Variants in KIF6 observed in about 807,000 individuals in gnomAD.
KIF6 encodes kinesin-like protein KIF6.
In KIF6, 106 loss-of-function variants were observed where a neutral mutation model predicts 112.7. The observed-to-expected ratio is 0.94, with a 90% CI of 0.80 to 1.11. KIF6 has a LOEUF of 1.11. Among genes scored for constraint, KIF6 ranks in the 50% least tolerant of loss-of-function variants. The pLI is 0.00. For synonymous variants in KIF6, 339 were observed against 339.9 expected (o/e 1.00, Z 0.03); for missense variants, 929 against 964.0 (o/e 0.96, Z 0.48).
intron 13 of KIF6, among the ~76,000 whole-genome samples, chr6:39,529,944 T>C (rs891726519): frequency 6.6e-6 from 1 of 152,256 alleles, no homozygotes; most frequent in Non-Finnish European, 1.5e-5. Context: ...TCTGTAATGC[T>C]TTTCTCAACC....
intron 3 of KIF6, among the ~76,000 whole-genome samples, chr6:39,666,963 A>G (rs1322870210): frequency 5.3e-5 from 8 of 152,154 alleles, no homozygotes; most frequent in African/African-American, 1.9e-4. Flanking sequence ...TTAAACTTTT[A>G]TCTTTCATTT....
chr6:39,369,204 T>C (rs527809791), intron 16 of KIF6, among the ~76,000 whole-genome samples: 5 of 152,296 alleles, frequency 3.3e-5, no homozygotes, highest in African/African-American at 1.2e-4. Context: ...ATGGCTCAAA[T>C]TTACTGTCAG....
At chr6:39,667,660 A>G (rs988444440) in intron 3 of KIF6, among the ~76,000 whole-genome samples, 1 of 152,196 alleles carries the variant, frequency 6.6e-6, no homozygotes, top group African/African-American at 2.4e-5. Context: ...TAATTTCCAA[A>G]TAAAGACAAT....
chr6:39,713,040 G>C (rs890104588), intron 3 of KIF6, among the ~76,000 whole-genome samples: 2 of 152,152 alleles, frequency 1.3e-5, no homozygotes, highest in Non-Finnish European at 2.9e-5. Flanking sequence ...TTTAAATAAG[G>C]TACTGCAGGA....
At chr6:39,704,755 A>G (rs1440296263) in intron 3 of KIF6, among the ~76,000 whole-genome samples, 1 of 152,218 alleles carries the variant, frequency 6.6e-6, no homozygotes, top group Non-Finnish European at 1.5e-5. Context: ...AATGTGTTAT[A>G]TGGTCTCCCC....
chr6:39,654,044 G>A (rs1033786963), intron 3 of KIF6, among the ~76,000 whole-genome samples: 27 of 152,168 alleles, frequency 1.8e-4, no homozygotes, highest in Admixed American at 1.4e-3. Flanking sequence ...AGGACGTGGG[G>A]GCCTATGTAA....
intron 6 of KIF6, among the ~76,000 whole-genome samples, chr6:39,599,284 G>A (rs1391402633): frequency 1.3e-5 from 2 of 152,112 alleles, no homozygotes; most frequent in Non-Finnish European, 2.9e-5. Flanking sequence ...CTCCACCTTT[G>A]CAAAATGAGA....
At chr6:39,635,005 T>C in intron 4 of KIF6, 47 bp from the exon 5 acceptor site, 1 of 1,016,874 alleles carries the variant, frequency 9.8e-7, no homozygotes, top group Non-Finnish European at 1.6e-6. Context: ...TAACAATGAT[T>C]CTGCTTAGAT....
At chr6:39,489,623 C>T (rs1335313293) in intron 13 of KIF6, among the ~76,000 whole-genome samples, 2 of 152,160 alleles carry the variant, frequency 1.3e-5, no homozygotes, top group African/African-American at 2.4e-5. Flanking sequence ...TAGCAACAGT[C>T]TTCAGGATGG....
intron 16 of KIF6, among the ~76,000 whole-genome samples, chr6:39,379,701 C>A (rs1766758611): frequency 6.6e-6 from 1 of 152,140 alleles, no homozygotes. Context: ...AAGGAGTTGT[C>A]TTTTTATGCA....
At chr6:39,463,372 T>G (rs143352250) in intron 13 of KIF6, among the ~76,000 whole-genome samples, 1 of 152,220 alleles carries the variant, frequency 6.6e-6, no homozygotes, top group Non-Finnish European at 1.5e-5. Context: ...TCTGAAAATA[T>G]TCTTAAAAAA....
chr6:39,428,264 C>T (rs1397824003), intron 14 of KIF6, among the ~76,000 whole-genome samples: 1 of 152,116 alleles, frequency 6.6e-6, no homozygotes, highest in East Asian at 1.9e-4. Context: ...GTTACGAGTC[C>T]CTGGTGTAAG....
chr6:39,403,153 C>T (rs571380837), intron 15 of KIF6, among the ~76,000 whole-genome samples: 1 of 152,150 alleles, frequency 6.6e-6, no homozygotes, highest in South Asian at 2.1e-4. Flanking sequence ...GTCTTCTTTC[C>T]TTGGTGGATT....
chr6:39,375,914 T>C (rs1485082607), intron 16 of KIF6, among the ~76,000 whole-genome samples: 1 of 152,240 alleles, frequency 6.6e-6, no homozygotes, highest in Non-Finnish European at 1.5e-5. Flanking sequence ...AGAGTCTTCC[T>C]CTGCCCTCCA....
intron 21 of KIF6, 112 bp downstream of exon 21, chr6:39,345,586 TTC>T: frequency 1.3e-6 from 1 of 779,542 alleles, no homozygotes; most frequent in Non-Finnish European, 2.1e-6. Flanking sequence ...CAGACCTGGG[TTC>T]TGTCTGTGTG....
chr6:39,718,187 G>A (rs369115264), intron 2 of KIF6, among the ~76,000 whole-genome samples: 6 of 131,914 alleles, frequency 4.5e-5, no homozygotes, highest in South Asian at 2.4e-4. Flanking sequence ...CCGAGATCGC[G>A]CCATTGCACT....
At chr6:39,650,309 G>A (rs1468048293) in intron 3 of KIF6, among the ~76,000 whole-genome samples, 1 of 152,070 alleles carries the variant, frequency 6.6e-6, no homozygotes, top group Non-Finnish European at 1.5e-5. Flanking sequence ...TGAAGAAACC[G>A]TTTTGTGTTA....
intron 13 of KIF6, among the ~76,000 whole-genome samples, chr6:39,484,610 A>G (rs1456633818): frequency 1.3e-5 from 2 of 152,214 alleles, no homozygotes; most frequent in Non-Finnish European, 2.9e-5. Context: ...TATTTTTGAG[A>G]TAAGAAAAAG....
intron 3 of KIF6, among the ~76,000 whole-genome samples, chr6:39,673,067 T>G (rs935858009): frequency 6.6e-6 from 1 of 152,194 alleles, no homozygotes; most frequent in Non-Finnish European, 1.5e-5. Context: ...AGGACCCTGT[T>G]GCTATCACTG....
Sources: allele counts gnomAD v4.1 joint callset (sites outside exome capture counted in the v4.1 genomes callset), GRCh38; gene constraint gnomAD v4.1.1; transcripts MANE v1.5; gene names NCBI Gene and HGNC (gene_info 2026-07-23, HGNC 2026-07-21).